Variants in C1QL4 observed in about 807,000 individuals in gnomAD.
C1QL4 encodes complement C1q-like protein 4.
A neutral mutation model predicts 13.4 loss-of-function variants in C1QL4; 5 were observed. That is an observed-to-expected ratio of 0.37 (90% CI 0.19 to 0.78). The LOEUF (loss-of-function observed/expected upper bound fraction) is 0.78, where lower values mean the gene tolerates loss of function less well. C1QL4 is among the 30% of genes least tolerant of loss of function. The probability of loss-of-function intolerance (pLI) is 0.47; values close to 1 mark genes in which losing one functional copy is unlikely to be tolerated. For synonymous variants in C1QL4, 168 were observed against 153.9 expected (o/e 1.09, Z -0.68); for missense variants, 367 against 361.6 (o/e 1.01, Z -0.12).
In C1QL4 at chr12:49,335,933, C is replaced by T. The variant is rs1361226615; in HGVS notation, c.537+8G>A. 1.9e-6 allele frequency: 3 copies of T among 1,594,460 alleles called. No homozygotes were observed. The Admixed American group carries it at 5.2e-5, about 28-fold the overall frequency. ...GTCTGAGCTGGGTTGGGGAGAGGGGCATCTCACCTGTCCGTTCTTCATGAG... is the reference window on the plus strand; with the variant it reads ...GTCTGAGCTGGGTTGGGGAGAGGGGTATCTCACCTGTCCGTTCTTCATGAG... On this transcript the variant is annotated splice_region_variant and intron_variant, in intron 1 of 1. Transcript: ENST00000334221.
At chr12:49,333,918 GC>G (rs941432651) in intron 1 of C1QL4, among the ~76,000 whole-genome samples, 4 of 151,792 alleles carry the variant, frequency 2.6e-5, no homozygotes, top group Non-Finnish European at 5.9e-5. Context: ...TGTCGGCCAG[GC>G]GCGGTGGCTC....
chr12:49,335,985 C>T lies in C1QL4; in HGVS notation c.493G>A (p.Gly165Ser). The T allele has an allele frequency of 1.2e-6, 2 of 1,609,166 alleles. No homozygotes were observed. Among genetic ancestry groups the T allele is most frequent in the Non-Finnish European group, 8.5e-7 (1 of 1,178,694 alleles). Residue 165 changes from glycine to serine, a missense_variant, in exon 1 of 2, where the codon GGC becomes AGC. Coordinates refer to ENST00000334221, the MANE Select transcript of C1QL4 (RefSeq NM_001008223.2). Reference protein sequence around the residue: ...FFAYHVLMRGGDGTSMWADLM... With the variant: ...FFAYHVLMRGSDGTSMWADLM... The stretch of plus-strand genomic sequence containing the variant: ...TCGGCCCACATGCTGGTGCCGTCGC[C>T]GCCGCGCATGAGCACGTGGTAAGCG...
chr12:49,336,358 A>G lies in C1QL4; in HGVS notation c.120T>C (p.Pro40=), dbSNP rs1338411780. 6.9e-7 allele frequency: 1 copy of G among 1,446,992 alleles called. No individual in the cohort carries two copies. Among genetic ancestry groups the G allele is most frequent in the South Asian group, 1.4e-5 (1 of 69,190 alleles). The allele number at this position is 1,446,992 out of a possible 1,614,324, so 89.6% of individuals were successfully genotyped here. The change falls in exon 1 of 2, where the codon CCT becomes CCC. Residue 40 remains proline, a synonymous_variant. Transcript: ENST00000334221. The surrounding 1 kb of genome is among the most constrained non-coding windows in gnomAD (Gnocchi z 7.7). ...CGGAAGCAGGCGCGCCGTCGGGACC[A>G]GGGCCACGGGGCCCATGCGGGTCGC... ...MVCDPHGPRG[P]GPDGAPASVP...
chr12:49,334,388 C>T (rs1461111974), intron 1 of C1QL4, among the ~76,000 whole-genome samples: 1 of 152,146 alleles, frequency 6.6e-6, no homozygotes, highest in Non-Finnish European at 1.5e-5. Flanking sequence ...GCGGATTTCC[C>T]GACCAAGCAC....
Position 49,336,677 on chromosome 12 carries a change from G to T in C1QL4, c.-200C>A. On this transcript the variant is annotated 5_prime_UTR_variant, in exon 1 of 2. Transcript: ENST00000334221. The surrounding 1 kb of genome is among the most constrained non-coding windows in gnomAD (Gnocchi z 7.7). ...CCCCCGCTCCCCTTACCCTGCCTCT[G>T]CGGGCTCCAGCCGCGGCGGTGCCGC... The T allele has an allele frequency of 1.7e-6, 1 of 576,304 alleles. No homozygotes were observed. The highest frequency in any genetic ancestry group is 2.8e-6 in the Non-Finnish European group (1 of 361,218). The allele number at this position is 576,304 out of a possible 1,614,324, so 35.7% of individuals were successfully genotyped here. A position where few individuals can be genotyped will look rare whatever the true frequency, so the allele number is the denominator to read the frequency against.
At position 49,332,857 on chromosome 12, in the gene C1QL4, G is replaced by A. The variant is rs1943601124; in HGVS notation, c.*197C>T. 1 of 620,188 alleles carries A rather than the reference G, an allele frequency of 1.6e-6. No homozygotes were observed. Among genetic ancestry groups the A allele is most frequent in the East Asian group, 2.8e-5 (1 of 35,126 alleles). 38.4% of individuals were successfully genotyped at this position (620,188 alleles called of 1,614,324 possible). ...CCTCCGGAAGTCGCTCTGCTCCTCT[G>A]GCCGGGTCTCCTCCTCTTCCCGGCC... On this transcript the variant is annotated 3_prime_UTR_variant, in exon 2 of 2. Transcript: ENST00000334221.
rs773476928 is a variant in C1QL4, at chr12:49,336,189, G to A, written c.289C>T (p.Pro97Ser). The A allele has an allele frequency of 1.2e-4, 187 of 1,583,348 alleles. No individual in the cohort carries two copies. Among genetic ancestry groups the A allele is most frequent in the South Asian group, 1.0e-4 (9 of 88,544 alleles). Residue 97 changes from proline (P) to serine (S), a missense_variant, in exon 1 of 2, where the codon CCG becomes TCG. Pro to Ser is a moderately conservative substitution (Grantham distance 74, BLOSUM62 -1). Coordinates refer to ENST00000334221, the MANE Select transcript of C1QL4 (RefSeq NM_001008223.2). This position sits in a 1 kb window ranked among gnomAD's most constrained non-coding sequence, Gnocchi z 7.7. ...CCGGCAGCGGGCGCCACCCCGCCCG[G>A]ACCTGGACCGGGAGGGCCCGGGGGG... ...PGPPGPPGPG[P>S]GGVAPAAGYV...
intron 1 of C1QL4, among the ~76,000 whole-genome samples, chr12:49,334,796 T>G (rs547044454): frequency 6.6e-6 from 1 of 152,206 alleles, no homozygotes; most frequent in Admixed American, 6.5e-5. Context: ...ACATACATAT[T>G]CTTTCACTCC....
rs764589506 is a variant in C1QL4 at position 49,336,459 on chromosome 12, CCAG to C, written c.16_18del (p.Leu6del). On this transcript the variant is annotated inframe_deletion, in exon 1 of 2. Coordinates refer to ENST00000334221, the MANE Select transcript of C1QL4 (RefSeq NM_001008223.2). The surrounding 1 kb of genome is among the most constrained non-coding windows in gnomAD (Gnocchi z 7.7). ...CTGTGCACCAGCAGCGGGATGGCCACCAGCAGCAGCAGCACCATGGCCACTCCG... is the reference window on the plus strand; with the variant it reads ...CTGTGCACCAGCAGCGGGATGGCCACCAGCAGCAGCACCATGGCCACTCCG... The C allele has an allele frequency of 2.5e-5, 38 of 1,547,060 alleles. No homozygotes were observed. The highest frequency in any genetic ancestry group is 2.3e-4 in the Middle Eastern group (1 of 4,362).
rs561693638 is a variant in C1QL4 at position 49,334,741 on chromosome 12, T to G, written c.537+1200A>C. On this transcript the variant is annotated intron_variant, in intron 1 of 1. Coordinates refer to ENST00000334221, the MANE Select transcript of C1QL4 (RefSeq NM_001008223.2). ...GATGTCATATACAGATAGACACCGC[T>G]CTACTCTCACATCGCACTCCGCACT... is the stretch of plus-strand genomic sequence containing the variant. Among the ~76,000 whole-genome samples, 3 of 151,984 alleles carry G rather than the reference T, an allele frequency of 2.0e-5. No individual in the cohort carries two copies. In the South Asian group the frequency reaches 6.2e-4, roughly 32 times the overall value.
Position 49,336,209 on chromosome 12 carries a change from G to T in C1QL4, c.269C>A (p.Pro90Gln), listed in dbSNP as rs751185354. The change falls in exon 1 of 2, where the codon CCG becomes CAG. Residue 90 changes from proline (P) to glutamine (Q), a missense_variant. Physicochemically the swap from Pro to Gln is moderately conservative, Grantham distance 76. Transcript: ENST00000334221. This position sits in a 1 kb window ranked among gnomAD's most constrained non-coding sequence, Gnocchi z 7.7. Reference protein sequence around the residue: ...PPGEPGRPGPPGPPGPGPGGV... With the variant: ...PPGEPGRPGPQGPPGPGPGGV... ...GCCCGGACCTGGACCGGGAGGGCCCGGGGGGCCTGGCCTGCCGGGTTCTCC... is the reference window on the plus strand; with the variant it reads ...GCCCGGACCTGGACCGGGAGGGCCCTGGGGGCCTGGCCTGCCGGGTTCTCC... 31 of 1,537,644 alleles carry T rather than the reference G, an allele frequency of 2.0e-5. No individual in the cohort carries two copies. The highest frequency in any genetic ancestry group is 1.8e-5 in the Non-Finnish European group (21 of 1,143,926).
chr12:49,333,024 G>C lies in C1QL4; in HGVS notation c.*30C>G, dbSNP rs768921410. 6.3e-7 allele frequency: 1 copy of C among 1,578,734 alleles called. No homozygotes were observed. The highest frequency in any genetic ancestry group is 8.6e-7 in the Non-Finnish European group (1 of 1,161,402). Reference sequence around the variant, plus strand: ...GAGGTGGGTGAGGACGGGAGAGAAGGGGCGAGCGGGGGCACGGGGCGGGGC... The same window carrying C: ...GAGGTGGGTGAGGACGGGAGAGAAGCGGCGAGCGGGGGCACGGGGCGGGGC... On this transcript the variant is annotated 3_prime_UTR_variant, in exon 2 of 2. Coordinates refer to ENST00000334221, the MANE Select transcript of C1QL4 (RefSeq NM_001008223.2).
chr12:49,334,642 C>A (rs1216536994), intron 1 of C1QL4, among the ~76,000 whole-genome samples: 3 of 152,138 alleles, frequency 2.0e-5, no homozygotes, highest in Non-Finnish European at 4.4e-5. Context: ...CCTCTGAAAC[C>A]CGCACGAATT....
intron 1 of C1QL4, among the ~76,000 whole-genome samples, chr12:49,334,917 T>C (rs1193129916): frequency 2.6e-5 from 4 of 152,196 alleles, no homozygotes; most frequent in Non-Finnish European, 4.4e-5. Context: ...ACCAGGCTCC[T>C]GCAGGCCTGA....
Position 49,336,258 on chromosome 12 carries a change from G to T in C1QL4, c.220C>A (p.Pro74Thr), listed in dbSNP as rs957318873. Residue 74 changes from proline to threonine, a missense_variant, in exon 1 of 2, where the codon CCA becomes ACA. By Grantham distance (38) the Pro-to-Thr change is conservative. Transcript: ENST00000334221. The surrounding 1 kb of genome is among the most constrained non-coding windows in gnomAD (Gnocchi z 7.7). ...GKAGLRGPPG[P>T]PGPRGPPGEP... ...CCTGGGGGCCCTCTTGGACCTGGTGGTCCAGGGGGCCCCCGCAGGCCTGCT... is the reference window on the plus strand; with the variant it reads ...CCTGGGGGCCCTCTTGGACCTGGTGTTCCAGGGGGCCCCCGCAGGCCTGCT... 4 of 1,437,206 alleles carry T rather than the reference G, an allele frequency of 2.8e-6. No individual in the cohort carries two copies. Among genetic ancestry groups the T allele is most frequent in the Non-Finnish European group, 3.6e-6 (4 of 1,101,314 alleles). The allele number at this position is 1,437,206 out of a possible 1,614,324, so 89.0% of individuals were successfully genotyped here. A position where few individuals can be genotyped will look rare whatever the true frequency, so the allele number is the denominator to read the frequency against.
Position 49,336,275 on chromosome 12 carries a change from A to C in C1QL4, c.203T>G (p.Leu68Arg). ...ACCTGGTGGTCCAGGGGGCCCCCGC[A>C]GGCCTGCTTTCCCGCGCCGGCCCAC... is the stretch of plus-strand genomic sequence containing the variant. ...GEVGRRGKAG[L>R]RGPPGPPGPR... The change falls in exon 1 of 2, where the codon CTG becomes CGG. Residue 68 changes from leucine (L) to arginine (R), a missense_variant. Physicochemically the swap from Leu to Arg is moderately radical, Grantham distance 102. Transcript: ENST00000334221. This position sits in a 1 kb window ranked among gnomAD's most constrained non-coding sequence, Gnocchi z 7.7. 1 of 1,424,078 alleles carries C rather than the reference A, an allele frequency of 7.0e-7. No individual in the cohort carries two copies. Among genetic ancestry groups the C allele is most frequent in the Non-Finnish European group, 9.1e-7 (1 of 1,096,078 alleles). 88.2% of individuals were successfully genotyped at this position (1,424,078 alleles called of 1,614,324 possible).
In C1QL4 at chr12:49,336,049, G is replaced by T; in HGVS notation, c.429C>A (p.Ser143Arg). ...TNVGNAYEAA[S>R]GKFTCPMPGV... ...CTGGCATGGGGCAAGTAAACTTGCC[G>T]CTGGCTGCCTCGTAGGCGTTGCCCA... Residue 143 changes from serine (S) to arginine (R), a missense_variant, in exon 1 of 2, where the codon AGC becomes AGA. Coordinates refer to ENST00000334221, the MANE Select transcript of C1QL4 (RefSeq NM_001008223.2). The surrounding 1 kb of genome is among the most constrained non-coding windows in gnomAD (Gnocchi z 7.7). 1 of 1,612,108 alleles carries T rather than the reference G, an allele frequency of 6.2e-7. No homozygotes were observed. The highest frequency in any genetic ancestry group is 1.1e-5 in the South Asian group (1 of 90,944).
intron 1 of C1QL4, among the ~76,000 whole-genome samples, chr12:49,334,754 C>T (rs1943618756): frequency 6.6e-6 from 1 of 152,150 alleles, no homozygotes; most frequent in Admixed American, 6.6e-5. Flanking sequence ...ACTCTCACAT[C>T]GCACTCCGCA....
At position 49,336,309 on chromosome 12, in the gene C1QL4, T is replaced by C; in HGVS notation, c.169A>G (p.Lys57Glu). The part of the protein sequence containing the change: ...ASVPPFPPGA[K>E]GEVGRRGKAG... ...TTCCCGCGCCGGCCCACCTCTCCCT[T>C]GGCGCCTGGCGGGAAGGGGGGCACG... Residue 57 changes from lysine (K) to glutamate (E), a missense_variant, in exon 1 of 2, where the codon AAG becomes GAG. Transcript: ENST00000334221. This position sits in a 1 kb window ranked among gnomAD's most constrained non-coding sequence, Gnocchi z 7.7. 7.1e-7 allele frequency: 1 copy of C among 1,417,148 alleles called. No homozygotes were observed. The highest frequency in any genetic ancestry group is 3.1e-5 in the Admixed American group (1 of 32,036). The allele number at this position is 1,417,148 out of a possible 1,614,324, so 87.8% of individuals were successfully genotyped here.
Sources: gnomAD v4.1 joint callset for allele counts (sites outside exome capture counted in the v4.1 genomes callset) on GRCh38, gnomAD v4.1.1 for gene constraint, Gnocchi (gnomAD v3.1) non-coding constraint, MANE v1.5 for transcripts, NCBI Gene and HGNC (gene_info 2026-07-23, HGNC 2026-07-21) for gene names.